Variants in ABLIM2 observed in about 807,000 individuals in gnomAD.
ABLIM2 encodes the protein actin-binding LIM protein 2.
In ABLIM2, 53 loss-of-function variants were observed where a neutral mutation model predicts 97.7. The observed-to-expected ratio is 0.54, with a 90% CI of 0.44 to 0.68. The LOEUF (loss-of-function observed/expected upper bound fraction) is 0.68, where lower values mean the gene tolerates loss of function less well. Among genes scored for constraint, ABLIM2 ranks in the 30% least tolerant of loss-of-function variants. The pLI, the probability that ABLIM2 is intolerant of heterozygous loss-of-function variation, is 0.00. For synonymous variants in ABLIM2, 361 were observed against 345.8 expected (o/e 1.04, Z -0.49); for missense variants, 835 against 867.2 (o/e 0.96, Z 0.47).
intron 16 of ABLIM2, among the ~76,000 whole-genome samples, chr4:7,994,671 C>T (rs1415059858): frequency 2.9e-5 from 3 of 104,104 alleles, no homozygotes; most frequent in Non-Finnish European, 4.6e-5. Flanking sequence ...GAGGAATCGC[C>T]ACACTGACTT....
In ABLIM2 at chr4:8,148,428, T is replaced by C. The variant is rs1015122042; in HGVS notation, c.10+10252A>G. 6.6e-6 allele frequency among the ~76,000 whole-genome samples: 1 copy of C among 152,084 alleles called. No homozygotes were observed. The highest frequency in any genetic ancestry group is 2.4e-5 in the African/African-American group (1 of 41,422). ...AGCCGCTCAGGACGCGGGGGGGCCATGGCGCACCACAGTTAGGAGTGCGGG... is the reference window on the plus strand; with the variant it reads ...AGCCGCTCAGGACGCGGGGGGGCCACGGCGCACCACAGTTAGGAGTGCGGG... On this transcript the variant is annotated intron_variant, in intron 1 of 20. Transcript: ENST00000447017. The surrounding 1 kb of genome is among the most constrained non-coding windows in gnomAD (Gnocchi z 6.7).
In ABLIM2 at chr4:8,091,317, AATT is replaced by A. The variant is rs1371026462; in HGVS notation, c.339-3036_339-3034del. On this transcript the variant is annotated intron_variant, in intron 3 of 20. Coordinates refer to ENST00000447017, the MANE Select transcript of ABLIM2 (RefSeq NM_001130083.2). ...ATTATATATTATATTATATATATAT[AATT>A]ATATATATATTATATATATAATATA... 6.6e-4 allele frequency among the ~76,000 whole-genome samples: 20 copies of A among 30,254 alleles called. 2 individuals carry two copies. Among genetic ancestry groups the A allele is most frequent in the Non-Finnish European group, 9.7e-4 (18 of 18,464 alleles). The allele number at this position is 30,254 out of a possible 152,430, so 19.8% of individuals were successfully genotyped here. A position where few individuals can be genotyped will look rare whatever the true frequency, so the allele number is the denominator to read the frequency against.
rs186572975 is a variant in ABLIM2 at position 8,037,858 on chromosome 4, T to G, written c.901-1563A>C. On this transcript the variant is annotated intron_variant, in intron 9 of 20. Transcript: ENST00000447017. ...CCCTTGCTGAATGAATGCGGGACGC[T>G]GGGAGAACCCCTGTGTTTGCTCAGG... Among the ~76,000 whole-genome samples, 6 of 152,350 alleles carry G rather than the reference T, an allele frequency of 3.9e-5. No individual in the cohort carries two copies. In the East Asian group the frequency reaches 1.2e-3, roughly 29 times the overall value.
rs1408750181 is a variant in ABLIM2 at position 8,069,501 on chromosome 4, G to C, written c.675+8127C>G. 6.6e-6 allele frequency among the ~76,000 whole-genome samples: 1 copy of C among 152,240 alleles called. No individual in the cohort carries two copies. The highest frequency in any genetic ancestry group is 2.4e-5 in the African/African-American group (1 of 41,472). On this transcript the variant is annotated intron_variant, in intron 6 of 20. Coordinates refer to ENST00000447017, the MANE Select transcript of ABLIM2 (RefSeq NM_001130083.2). The surrounding 1 kb of genome is among the most constrained non-coding windows in gnomAD (Gnocchi z 4.2). Reference sequence around the variant, plus strand: ...GTGGAAGGGTAGGACCAGGGGCTCTGATGCGCTGCCGGCATGAGGCAAGGC... The same window carrying C: ...GTGGAAGGGTAGGACCAGGGGCTCTCATGCGCTGCCGGCATGAGGCAAGGC...
chr4:8,134,206 G>T (rs748955281), intron 1 of ABLIM2, among the ~76,000 whole-genome samples: 5 of 152,208 alleles, frequency 3.3e-5, no homozygotes, highest in Non-Finnish European at 7.3e-5. Context: ...AGCCTCGAAG[G>T]CCAGGACTAA....
At position 8,128,431 on chromosome 4, in the gene ABLIM2, T is replaced by C. The variant is rs889475887; in HGVS notation, c.11-21794A>G. 2.6e-5 allele frequency among the ~76,000 whole-genome samples: 4 copies of C among 152,222 alleles called. No individual in the cohort carries two copies. The highest frequency in any genetic ancestry group is 4.4e-5 in the Non-Finnish European group (3 of 68,042). On this transcript the variant is annotated intron_variant, in intron 1 of 20. Transcript: ENST00000447017. The surrounding 1 kb of genome is among the most constrained non-coding windows in gnomAD (Gnocchi z 4.9). ...CACCTGCACACCCAGTACAGCTGCC[T>C]GCAGCTCGCAAGGCCCCTGCATACC...
At chr4:8,134,236 G>A (rs1284206210) in intron 1 of ABLIM2, among the ~76,000 whole-genome samples, 3 of 152,226 alleles carry the variant, frequency 2.0e-5, no homozygotes, top group Admixed American at 1.3e-4. Context: ...CTCCCTTCCT[G>A]AGCTCTCAGG....
intron 1 of ABLIM2, among the ~76,000 whole-genome samples, chr4:8,153,565 G>A (rs1713848169): frequency 6.6e-6 from 1 of 152,200 alleles, no homozygotes; most frequent in South Asian, 2.1e-4. Flanking sequence ...AGTGGAGTCA[G>A]GCAGGGAAAA....
In ABLIM2 at chr4:8,067,195, CG is replaced by C. The variant is rs1189129410; in HGVS notation, c.676-6142del. The C allele has an allele frequency of 6.6e-6, 1 of 152,238 alleles. No individual in the cohort carries two copies. Among genetic ancestry groups the C allele is most frequent in the Non-Finnish European group, 1.5e-5 (1 of 68,076 alleles). 9.4% of individuals were successfully genotyped at this position (152,238 alleles called of 1,614,324 possible). The stretch of plus-strand genomic sequence containing the variant: ...AGACTCCATGGGCCATGGGGACAAT[CG>C]GGGACATTTGTGGCTGAGCCCCTGC... On this transcript the variant is annotated intron_variant, in intron 6 of 20. Coordinates refer to ENST00000447017, the MANE Select transcript of ABLIM2 (RefSeq NM_001130083.2). This position sits in a 1 kb window ranked among gnomAD's most constrained non-coding sequence, Gnocchi z 5.4.
rs569539358 is a variant in ABLIM2 at position 8,085,930 on chromosome 4, G to T, written c.454+2239C>A. ...CCTTGGCCCACCCCTCGGCACTTCC[G>T]CCCCCTGATGGACAGAGCACCCAGC... On this transcript the variant is annotated intron_variant, in intron 4 of 20. Coordinates refer to ENST00000447017, the MANE Select transcript of ABLIM2 (RefSeq NM_001130083.2). The surrounding 1 kb of genome is among the most constrained non-coding windows in gnomAD (Gnocchi z 6.1). 5.5e-4 allele frequency among the ~76,000 whole-genome samples: 14 copies of T among 25,330 alleles called. No homozygotes were observed. Among genetic ancestry groups the T allele is most frequent in the African/African-American group, 2.7e-3 (14 of 5,198 alleles). The allele number at this position is 25,330 out of a possible 152,430, so 16.6% of individuals were successfully genotyped here.
In ABLIM2 at chr4:8,088,149, C is replaced by T; in HGVS notation, c.454+20G>A. 1 of 1,513,712 alleles carries T rather than the reference C, an allele frequency of 6.6e-7. No individual in the cohort carries two copies. Among genetic ancestry groups the T allele is most frequent in the Non-Finnish European group, 8.9e-7 (1 of 1,119,244 alleles). 93.8% of individuals were successfully genotyped at this position (1,513,712 alleles called of 1,614,324 possible). A position where few individuals can be genotyped will look rare whatever the true frequency, so the allele number is the denominator to read the frequency against. ...TCAGCATGCCCCCACTCAACATGCC[C>T]CCACTCAGCGCCCACTTACTTCGGA... On this transcript the variant is annotated intron_variant, in intron 4 of 20. Coordinates refer to ENST00000447017, the MANE Select transcript of ABLIM2 (RefSeq NM_001130083.2).
In ABLIM2 at chr4:8,083,896, G is replaced by T. The variant is rs1001097588; in HGVS notation, c.455-3094C>A. Among the ~76,000 whole-genome samples, 2 of 152,174 alleles carry T rather than the reference G, an allele frequency of 1.3e-5. No homozygotes were observed. Among genetic ancestry groups the T allele is most frequent in the Admixed American group, 6.5e-5 (1 of 15,282 alleles). On this transcript the variant is annotated intron_variant, in intron 4 of 20. Transcript: ENST00000447017. This position sits in a 1 kb window ranked among gnomAD's most constrained non-coding sequence, Gnocchi z 4.6. ...CCCCAAAAGGCTCCCTCTTCCACAA[G>T]ATGTGGTCATGGTGGGGGTGGTTGT...
intron 1 of ABLIM2, among the ~76,000 whole-genome samples, chr4:8,145,186 AT>A (rs34290928): frequency 0.032 from 4,663 of 144,344 alleles, 194 homozygotes; most frequent in African/African-American, 0.1. Context: ...GCAGGTATTG[AT>A]TTTTTTTTTT....
rs117458304 is a variant in ABLIM2 at position 8,026,375 on chromosome 4, C to T, written c.1267+1384G>A. ...GGACAGGCCCTCAGAAAAATGAGGACGGCCATGTCCATCAATGGCCAGGAA... is the reference window on the plus strand; with the variant it reads ...GGACAGGCCCTCAGAAAAATGAGGATGGCCATGTCCATCAATGGCCAGGAA... On this transcript the variant is annotated intron_variant, in intron 12 of 20. Coordinates refer to ENST00000447017, the MANE Select transcript of ABLIM2 (RefSeq NM_001130083.2). 4.8e-4 allele frequency among the ~76,000 whole-genome samples: 73 copies of T among 152,320 alleles called. No homozygotes were observed. The East Asian group carries it at 0.011, about 22-fold the overall frequency.
intron 16 of ABLIM2, chr4:8,006,982 GCA>G: frequency 1.0e-6 from 1 of 977,796 alleles, no homozygotes; most frequent in Non-Finnish European, 1.2e-6. Context: ...CCTGAGGGGT[GCA>G]CAGACACCTG....
intron 9 of ABLIM2, among the ~76,000 whole-genome samples, chr4:8,038,303 T>G (rs1322307483): frequency 6.6e-6 from 1 of 152,188 alleles, no homozygotes; most frequent in Non-Finnish European, 1.5e-5. Context: ...TGTCTGACTC[T>G]AAAGCCCATG....
chr4:8,098,574 T>G (rs1246966496), intron 2 of ABLIM2, among the ~76,000 whole-genome samples: 6 of 152,132 alleles, frequency 3.9e-5, no homozygotes, highest in Non-Finnish European at 1.5e-5. Flanking sequence ...TCTCCATTTC[T>G]CCAAAGAGAT....
At position 8,007,753 on chromosome 4, in the gene ABLIM2, G is replaced by A. The variant is rs553705553; in HGVS notation, c.1618+306C>T. On this transcript the variant is annotated intron_variant, in intron 16 of 20. Coordinates refer to ENST00000447017, the MANE Select transcript of ABLIM2 (RefSeq NM_001130083.2). ...CTGACTTCCACCCGGCAGCCCGGAC[G>A]CCTTTCTCCTAAACAGCCCAGGAGC... 1.2e-4 allele frequency: 135 copies of A among 1,131,846 alleles called. 4 individuals carry two copies. In the South Asian group the frequency reaches 3.7e-3, roughly 31 times the overall value. The allele number at this position is 1,131,846 out of a possible 1,614,324, so 70.1% of individuals were successfully genotyped here. A position where few individuals can be genotyped will look rare whatever the true frequency, so the allele number is the denominator to read the frequency against.
chr4:8,097,409 A>C, intron 2 of ABLIM2, 127 bp from the exon 3 acceptor site: 1 of 1,188,132 alleles, frequency 8.4e-7, no homozygotes, highest in South Asian at 1.5e-5. Flanking sequence ...CTCGGCACAC[A>C]CTTGGGGTGG....
Sources: allele counts gnomAD v4.1 joint callset (sites outside exome capture counted in the v4.1 genomes callset), GRCh38; gene constraint gnomAD v4.1.1; non-coding constraint Gnocchi (gnomAD v3.1); transcripts MANE v1.5; gene names NCBI Gene and HGNC (gene_info 2026-07-23, HGNC 2026-07-21).